LYPD6: variants seen among roughly 807,000 people sequenced by gnomAD.
LYPD6 encodes the protein ly6/PLAUR domain-containing protein 6.
A neutral mutation model predicts 22.7 loss-of-function variants in LYPD6; 15 were observed. That is an observed-to-expected ratio of 0.66 (90% CI 0.44 to 1.02). The LOEUF is 1.02. Among genes scored for constraint, LYPD6 ranks in the 50% least tolerant of loss-of-function variants. The probability of loss-of-function intolerance (pLI) is 0.00; values close to 1 mark genes in which losing one functional copy is unlikely to be tolerated. For missense variants in LYPD6, 189 were observed against 208.4 expected, an observed-to-expected ratio of 0.91 and a Z score of 0.57; for synonymous variants, 72 against 77.5, an observed-to-expected ratio of 0.93 and a Z score of 0.37.
At chr2:149,341,025 T>C (rs1681150963) in intron 1 of LYPD6, among the ~76,000 whole-genome samples, 2 of 152,184 alleles carry the variant, frequency 1.3e-5, no homozygotes, top group African/African-American at 4.8e-5. Context: ...AAATACTGAC[T>C]TTAATAGAAG....
the LYPD6 span, among the ~76,000 whole-genome samples, chr2:149,480,412 C>G: frequency 6.6e-6 from 1 of 152,106 alleles, no homozygotes; most frequent in African/African-American, 2.4e-5. Flanking sequence ...CTCCATTGAC[C>G]TGGTAACCCC....
At chr2:149,463,538 T>C (rs1017341448) in intron 3 of LYPD6, among the ~76,000 whole-genome samples, 5 of 152,140 alleles carry the variant, frequency 3.3e-5, no homozygotes, top group African/African-American at 1.2e-4. Context: ...TGGTCACTCA[T>C]ACAGAGAAGT....
intron 1 of LYPD6, among the ~76,000 whole-genome samples, chr2:149,403,611 C>A (rs1217954475): frequency 3.4e-5 from 5 of 146,820 alleles, no homozygotes; most frequent in African/African-American, 7.8e-5. Flanking sequence ...TGTTTGAGTT[C>A]ATTGTAGATT....
At chr2:149,478,089 C>G (rs1681470316), downstream of LYPD6, among the ~76,000 whole-genome samples, 1 of 152,138 alleles carries the variant, frequency 6.6e-6, no homozygotes, top group East Asian at 1.9e-4. Flanking sequence ...GTTAGAATCA[C>G]CTGGGGTAGG....
intron 3 of LYPD6, among the ~76,000 whole-genome samples, chr2:149,452,660 G>T (rs1359616116): frequency 6.6e-6 from 1 of 152,076 alleles, no homozygotes; most frequent in Non-Finnish European, 1.5e-5. Context: ...TCTTATAAAC[G>T]CAGAATAAGT....
intron 1 of LYPD6, among the ~76,000 whole-genome samples, chr2:149,427,576 A>G (rs1413596151): frequency 6.6e-6 from 1 of 152,244 alleles, no homozygotes; most frequent in African/African-American, 2.4e-5. Flanking sequence ...AACAAGCTGA[A>G]TAGCTCCTAG....
chr2:149,366,058 G>A (rs1013095744), intron 1 of LYPD6, among the ~76,000 whole-genome samples: 6 of 152,054 alleles, frequency 3.9e-5, no homozygotes, highest in African/African-American at 1.4e-4. Context: ...CTTCAGTGTG[G>A]GTGGCTAATT....
At chr2:149,405,463 G>GA (rs1682679212) in intron 1 of LYPD6, among the ~76,000 whole-genome samples, 1 of 152,188 alleles carries the variant, frequency 6.6e-6, no homozygotes, top group Non-Finnish European at 1.5e-5. Context: ...TTAGTCTTGG[G>GA]AGGGTGTATG....
At chr2:149,341,457 T>G (rs1475280877) in intron 1 of LYPD6, among the ~76,000 whole-genome samples, 3 of 152,188 alleles carry the variant, frequency 2.0e-5, no homozygotes, top group African/African-American at 7.2e-5. Context: ...ATTTTTAGTC[T>G]TATTTCTCAT....
At chr2:149,476,804 C>A (rs1369816389), downstream of LYPD6, among the ~76,000 whole-genome samples, 1 of 152,208 alleles carries the variant, frequency 6.6e-6, no homozygotes, top group Non-Finnish European at 1.5e-5. Context: ...TCCGCCTCCC[C>A]ACTGGTGTGC....
intron 3 of LYPD6, among the ~76,000 whole-genome samples, chr2:149,461,105 A>G (rs1273430171): frequency 1.3e-5 from 2 of 152,032 alleles, no homozygotes; most frequent in East Asian, 3.9e-4. Context: ...ACAAAGCAAG[A>G]CTAAGCAAAA....
At chr2:149,453,386 A>T (rs1255482833) in intron 3 of LYPD6, among the ~76,000 whole-genome samples, 1 of 152,230 alleles carries the variant, frequency 6.6e-6, no homozygotes, top group Non-Finnish European at 1.5e-5. Flanking sequence ...TCCAGTTTTT[A>T]AAAAGGCTTG....
At chr2:149,334,691 C>G (rs1179844159) in intron 1 of LYPD6, among the ~76,000 whole-genome samples, 3 of 151,852 alleles carry the variant, frequency 2.0e-5, no homozygotes, top group Admixed American at 6.6e-5. Context: ...AGAAACCAGA[C>G]CCGTGTCCCT....
chr2:149,361,129 A>C (rs1232466377), intron 1 of LYPD6, among the ~76,000 whole-genome samples: 1 of 152,214 alleles, frequency 6.6e-6, no homozygotes, highest in East Asian at 1.9e-4. Flanking sequence ...AAATCTCGAA[A>C]GGGTAGATTT....
intron 2 of LYPD6, among the ~76,000 whole-genome samples, chr2:149,442,186 A>T (rs1284209470): frequency 1.3e-5 from 2 of 152,218 alleles, no homozygotes; most frequent in Non-Finnish European, 2.9e-5. Flanking sequence ...AATGGAAGTT[A>T]ATTTGGTAAG....
chr2:149,441,323 G>T (rs1683564421), intron 2 of LYPD6, among the ~76,000 whole-genome samples: 1 of 152,178 alleles, frequency 6.6e-6, no homozygotes, highest in Admixed American at 6.5e-5. Flanking sequence ...GTAACATGAA[G>T]CTCGGAACCT....
At chr2:149,407,688 G>A (rs959958264) in intron 1 of LYPD6, among the ~76,000 whole-genome samples, 1 of 152,066 alleles carries the variant, frequency 6.6e-6, no homozygotes, top group African/African-American at 2.4e-5. Flanking sequence ...ATTTCCTCCT[G>A]TAGCTCGGAG....
chr2:149,482,516 G>T, the LYPD6 span, among the ~76,000 whole-genome samples: 2 of 152,200 alleles, frequency 1.3e-5, no homozygotes, highest in Admixed American at 1.3e-4. Context: ...GCAGGAATCA[G>T]CCCTTATACC....
At chr2:149,463,929 G>A (rs979378738) in intron 3 of LYPD6, among the ~76,000 whole-genome samples, 3 of 152,028 alleles carry the variant, frequency 2.0e-5, no homozygotes, top group African/African-American at 7.2e-5. Context: ...GGATCCTTAT[G>A]GCTGTGGAGA....
Sources: gnomAD v4.1 joint callset for allele counts (sites outside exome capture counted in the v4.1 genomes callset) on GRCh38, gnomAD v4.1.1 for gene constraint, MANE v1.5 for transcripts, NCBI Gene and HGNC (gene_info 2026-07-23, HGNC 2026-07-21) for gene names.